Variants in MACROD2 observed in about 807,000 individuals in gnomAD.
The protein encoded by MACROD2 is mono-ADP ribosylhydrolase 2.
A neutral mutation model predicts 70.4 loss-of-function variants in MACROD2; 36 were observed. The observed-to-expected ratio is 0.51, with a 90% CI of 0.39 to 0.68. The LOEUF (loss-of-function observed/expected upper bound fraction) is 0.68, where lower values mean the gene tolerates loss of function less well. Among genes scored for constraint, MACROD2 ranks in the 30% least tolerant of loss-of-function variants. The pLI, the probability that MACROD2 is intolerant of heterozygous loss-of-function variation, is 0.00. For missense variants in MACROD2, 496 were observed against 538.4 expected (o/e 0.92, Z 0.78); for synonymous variants, 172 against 178.8 (o/e 0.96, Z 0.30).
intron 5 of MACROD2, among the ~76,000 whole-genome samples, chr20:14,741,703 G>C (rs6042894): frequency 6.6e-6 from 1 of 151,902 alleles, no homozygotes; most frequent in African/African-American, 2.4e-5. Flanking sequence ...TAGTCCAACA[G>C]GTTGTATGAT....
chr20:14,431,065 A>G (rs968540249), intron 3 of MACROD2, among the ~76,000 whole-genome samples: 4 of 152,176 alleles, frequency 2.6e-5, no homozygotes, highest in African/African-American at 9.7e-5. Context: ...CCTTTTTTAC[A>G]TAAGCTGTTG....
At chr20:14,128,070 A>G in intron 3 of MACROD2, 1 of 560,734 alleles carries the variant, frequency 1.8e-6, no homozygotes, top group Non-Finnish European at 3.5e-6. Context: ...TACAATGATG[A>G]GGGGAGTATT....
chr20:15,708,182 T>C (rs16996398), intron 8 of MACROD2, among the ~76,000 whole-genome samples: 2,607 of 152,282 alleles, frequency 0.017, 62 homozygotes, highest in African/African-American at 0.053. Context: ...TTGAGACTAC[T>C]GTATATCATG....
At chr20:14,317,973 G>T (rs1424493652) in intron 3 of MACROD2, among the ~76,000 whole-genome samples, 1 of 152,146 alleles carries the variant, frequency 6.6e-6, no homozygotes, top group African/African-American at 2.4e-5. Context: ...TGTGTAAGAC[G>T]TCACTAATAT....
At chr20:15,862,178 G>T (rs910615733) in intron 8 of MACROD2, among the ~76,000 whole-genome samples, 2 of 152,184 alleles carry the variant, frequency 1.3e-5, no homozygotes, top group Admixed American at 1.3e-4. Flanking sequence ...TATCGACCTT[G>T]CGTCACTGTC....
rs954451946 is a variant in MACROD2, at chr20:14,443,895, C to G, written c.272-49584C>G. On this transcript the variant is annotated intron_variant, in intron 3 of 17. Coordinates refer to ENST00000684519, the MANE Select transcript of MACROD2 (RefSeq NM_001351661.2). ...GTTTAATAAAGCAAAGCATTTAAAG[C>G]ACTTAGCACATTGCCTAGCACACAG... 2.7e-4 allele frequency among the ~76,000 whole-genome samples: 41 copies of G among 152,126 alleles called. 1 individual carries two copies. The highest frequency in any genetic ancestry group is 9.9e-4 in the African/African-American group (41 of 41,390).
At chr20:15,969,087 G>A (rs991660763) in intron 13 of MACROD2, among the ~76,000 whole-genome samples, 5 of 151,936 alleles carry the variant, frequency 3.3e-5, no homozygotes, top group Non-Finnish European at 4.4e-5. Context: ...CCAAAGATAC[G>A]TAACCTAGCA....
At chr20:15,544,128 G>A (rs1253418259) in intron 8 of MACROD2, among the ~76,000 whole-genome samples, 1 of 152,164 alleles carries the variant, frequency 6.6e-6, no homozygotes, top group Non-Finnish European at 1.5e-5. Flanking sequence ...CTCAGCTTTA[G>A]AGTAACCGAT....
chr20:15,969,822 A>G (rs2066202459), intron 13 of MACROD2, among the ~76,000 whole-genome samples: 1 of 152,088 alleles, frequency 6.6e-6, no homozygotes, highest in South Asian at 2.1e-4. Flanking sequence ...GATGAAGGAC[A>G]TCATGTTCCA....
At chr20:14,841,728 A>G (rs2073089691) in intron 5 of MACROD2, among the ~76,000 whole-genome samples, 1 of 152,078 alleles carries the variant, frequency 6.6e-6, no homozygotes, top group Admixed American at 6.6e-5. Context: ...AGTAAACTTG[A>G]GTTTTCTTTT....
chr20:14,938,981 C>CTTCT (rs2074367246), intron 5 of MACROD2, among the ~76,000 whole-genome samples: 1 of 79,960 alleles, frequency 1.3e-5, no homozygotes, highest in East Asian at 3.5e-4. Context: ...GTTGTTTGAG[C>CTTCT]TTCTTACATA....
At chr20:14,376,010 G>T (rs1432387691) in intron 3 of MACROD2, among the ~76,000 whole-genome samples, 1 of 152,124 alleles carries the variant, frequency 6.6e-6, no homozygotes, top group Non-Finnish European at 1.5e-5. Context: ...GAAAAATTTT[G>T]TAATCAAATA....
At chr20:15,858,020 A>G (rs2064377308) in intron 8 of MACROD2, among the ~76,000 whole-genome samples, 1 of 152,186 alleles carries the variant, frequency 6.6e-6, no homozygotes, top group Non-Finnish European at 1.5e-5. Context: ...TCCTGGCAAC[A>G]TAGCAAGACT....
At chr20:15,614,705 C>G (rs1283630372) in intron 8 of MACROD2, among the ~76,000 whole-genome samples, 1 of 152,102 alleles carries the variant, frequency 6.6e-6, no homozygotes, top group Non-Finnish European at 1.5e-5. Context: ...AGACAGTAGA[C>G]ATAAAGAATT....
At chr20:15,344,655 G>A (rs111681900) in intron 6 of MACROD2, among the ~76,000 whole-genome samples, 22 of 152,214 alleles carry the variant, frequency 1.4e-4, no homozygotes, top group African/African-American at 5.3e-4. Flanking sequence ...CTGAATGTGA[G>A]TGCCACTTTA....
chr20:15,495,803 G>A (rs1183077445), intron 7 of MACROD2, among the ~76,000 whole-genome samples: 2 of 152,160 alleles, frequency 1.3e-5, no homozygotes, highest in Non-Finnish European at 2.9e-5. Flanking sequence ...TGAGGTAAAG[G>A]TACATGGTAT....
intron 6 of MACROD2, among the ~76,000 whole-genome samples, chr20:15,258,846 C>A (rs192482272): frequency 6.6e-6 from 1 of 151,898 alleles, no homozygotes; most frequent in Non-Finnish European, 1.5e-5. Context: ...GTTCAAGGAA[C>A]GTTTGCAGAG....
At chr20:15,251,156 C>T (rs1045234148) in intron 6 of MACROD2, among the ~76,000 whole-genome samples, 8 of 152,094 alleles carry the variant, frequency 5.3e-5, no homozygotes, top group African/African-American at 1.9e-4. Flanking sequence ...GGGTAGGGGT[C>T]AGATGATCAA....
chr20:16,044,512 T>C, intron 16 of MACROD2, 59 bp from the exon 17 acceptor site: 3 of 1,402,826 alleles, frequency 2.1e-6, no homozygotes, highest in Non-Finnish European at 3.0e-6. Context: ...GTCATTTTAA[T>C]GTGTCTCAGA....
Sources: gnomAD v4.1 joint callset for allele counts (sites outside exome capture counted in the v4.1 genomes callset) on GRCh38, gnomAD v4.1.1 for gene constraint, MANE v1.5 for transcripts, NCBI Gene and HGNC (gene_info 2026-07-23, HGNC 2026-07-21) for gene names.